Variants in PARVB observed in about 807,000 individuals in gnomAD.
PARVB encodes the protein parvin beta.
PARVB carries 46 observed loss-of-function variants against 47.0 expected under a neutral mutation model. The ratio of observed to expected loss-of-function variants is 0.98; its 90% CI spans 0.77 to 1.25. The LOEUF is 1.25. Among genes scored for constraint, PARVB ranks in the 50% most tolerant of loss-of-function variants. PARVB has a pLI of 0.00. For synonymous variants in PARVB, 196 were observed against 196.3 expected (o/e 1.00, Z 0.01); for missense variants, 473 against 471.6 (o/e 1.00, Z -0.03).
At chr22:44,081,937 C>A (rs560517804) in intron 1 of PARVB, among the ~76,000 whole-genome samples, 1 of 152,124 alleles carries the variant, frequency 6.6e-6, no homozygotes, top group Non-Finnish European at 1.5e-5. Flanking sequence ...TGAAAGCCAG[C>A]GTGATGGGTT....
chr22:44,116,862 G>A (rs1233798987), intron 3 of PARVB, among the ~76,000 whole-genome samples: 2 of 152,208 alleles, frequency 1.3e-5, no homozygotes, highest in African/African-American at 4.8e-5. Context: ...AGGCCCCGTG[G>A]CGCAGATGAG....
chr22:44,155,033 GTGGT>G lies in PARVB; in HGVS notation c.844-2948_844-2945del, dbSNP rs1366536051. 1.1e-5 allele frequency among the ~76,000 whole-genome samples: 1 copy of G among 93,404 alleles called. No homozygotes were observed. The highest frequency in any genetic ancestry group is 5.3e-5 in the African/African-American group (1 of 18,880). The allele number at this position is 93,404 out of a possible 152,430, so 61.3% of individuals were successfully genotyped here. A position where few individuals can be genotyped will look rare whatever the true frequency, so the allele number is the denominator to read the frequency against. On this transcript the variant is annotated intron_variant, in intron 10 of 12. Coordinates refer to ENST00000338758, the MANE Select transcript of PARVB (RefSeq NM_013327.5). This position sits in a 1 kb window ranked among gnomAD's most constrained non-coding sequence, Gnocchi z 4.8. ...TGTGTGTGTGGTTTTTGTAGTCTGT[GTGGT>G]GTGTGTGTGTGTGTGTGTGTGGTTT...
At chr22:44,045,198 G>A in intron 1 of PARVB, among the ~76,000 whole-genome samples, 1 of 152,142 alleles carries the variant, frequency 6.6e-6, no homozygotes, top group East Asian at 1.9e-4. Flanking sequence ...AGGCTGCAGT[G>A]AGTTATGATT....
At chr22:44,005,882 C>T (rs1047928371) in intron 2 of PARVB, among the ~76,000 whole-genome samples, 1 of 152,230 alleles carries the variant, frequency 6.6e-6, no homozygotes, top group African/African-American at 2.4e-5. Flanking sequence ...GAGGAGTGTA[C>T]TTCTGTTTCA....
At chr22:44,056,575 G>A (rs1381475279) in intron 1 of PARVB, among the ~76,000 whole-genome samples, 4 of 152,086 alleles carry the variant, frequency 2.6e-5, no homozygotes, top group Non-Finnish European at 5.9e-5. Context: ...GTGCAATCAC[G>A]GCTCACTATA....
intron 8 of PARVB, chr22:44,144,894 A>AGGAATGCTCAGCTCCT (rs1169095955): frequency 6.6e-6 from 1 of 152,134 alleles, no homozygotes; most frequent in Non-Finnish European, 1.5e-5. Flanking sequence ...GCATTCCTGC[A>AGGAATGCTCAGCTCCT]GATTGAGCTT....
At chr22:44,109,200 G>C (rs1192323640) in intron 3 of PARVB, 1 of 152,338 alleles carries the variant, frequency 6.6e-6, no homozygotes, top group Non-Finnish European at 1.5e-5. Context: ...CCCCCACCGG[G>C]CCGTGTCTCC....
upstream of PARVB, among the ~76,000 whole-genome samples, chr22:44,021,893 C>G (rs1473231121): frequency 6.6e-6 from 1 of 151,934 alleles, no homozygotes; most frequent in Non-Finnish European, 1.5e-5. Flanking sequence ...TGCTGGCAAA[C>G]CCCAGGAGCC....
At chr22:44,032,472 C>T (rs1003909367) in intron 1 of PARVB, among the ~76,000 whole-genome samples, 27 of 152,136 alleles carry the variant, frequency 1.8e-4, no homozygotes, top group African/African-American at 4.1e-4. Flanking sequence ...CCCAGCTCTG[C>T]GTTTCTGAGC....
chr22:44,070,647 G>A (rs1317416911), intron 1 of PARVB, among the ~76,000 whole-genome samples: 4 of 152,158 alleles, frequency 2.6e-5, no homozygotes, highest in African/African-American at 9.7e-5. Flanking sequence ...ATTGAATGCT[G>A]GGCATCTCTT....
Position 44,016,099 on chromosome 22 carries a change from C to CTTTTTT in PARVB, c.211+16436_211+16441dup, listed in dbSNP as rs562590606. On this transcript the variant is annotated intron_variant, in intron 2 of 13. Transcript: ENST00000406477. ...TCTTTTTCTTTTTCTTTCTTTCTTT[C>CTTTTTT]TTTTTTTTTTTTTTTGAGATGGAGT... 2.8e-4 allele frequency among the ~76,000 whole-genome samples: 36 copies of CTTTTTT among 129,162 alleles called. 1 individual carries two copies. The highest frequency in any genetic ancestry group is 7.3e-4 in the South Asian group (3 of 4,104). 84.7% of individuals were successfully genotyped at this position (129,162 alleles called of 152,430 possible). A position where few individuals can be genotyped will look rare whatever the true frequency, so the allele number is the denominator to read the frequency against.
intron 5 of PARVB, among the ~76,000 whole-genome samples, chr22:44,132,373 G>T (rs187878346): frequency 6.6e-6 from 1 of 152,338 alleles, no homozygotes; most frequent in East Asian, 1.9e-4. Flanking sequence ...TGGTGATGTT[G>T]ACCAAACCTG....
intron 2 of PARVB, among the ~76,000 whole-genome samples, chr22:44,017,761 C>A (rs1213518735): frequency 6.6e-6 from 1 of 152,164 alleles, no homozygotes; most frequent in Non-Finnish European, 1.5e-5. Context: ...CCATTCACAT[C>A]CCCCATGAGG....
At chr22:44,037,952 CCCAGCT>C (rs202030987) in intron 1 of PARVB, among the ~76,000 whole-genome samples, 1 of 145,898 alleles carries the variant, frequency 6.9e-6, no homozygotes, top group Non-Finnish European at 1.5e-5. Context: ...CCCAGCCCAG[CCCAGCT>C]CCAGCTCCAG....
intron 3 of PARVB, chr22:44,114,939 A>G (rs1313615972): frequency 8.8e-6 from 1 of 114,168 alleles, no homozygotes; most frequent in Non-Finnish European, 1.7e-5. Flanking sequence ...ATTGTTACTA[A>G]CTAAGGCCCT....
chr22:44,095,115 G>A (rs903425509), intron 2 of PARVB, among the ~76,000 whole-genome samples: 3 of 152,090 alleles, frequency 2.0e-5, no homozygotes, highest in Non-Finnish European at 2.9e-5. Context: ...TATGAAAGGT[G>A]TGCTCACAGA....
intron 1 of PARVB, among the ~76,000 whole-genome samples, chr22:44,054,656 C>G (rs941074604): frequency 2.6e-5 from 4 of 152,154 alleles, no homozygotes; most frequent in African/African-American, 9.7e-5. Flanking sequence ...GGTGGCACAG[C>G]AGTGAATGTC....
chr22:44,043,584 G>C (rs537790944), intron 1 of PARVB, among the ~76,000 whole-genome samples: 3 of 151,986 alleles, frequency 2.0e-5, no homozygotes, highest in Non-Finnish European at 4.4e-5. Context: ...TCACCATGTT[G>C]GCCAGGATGG....
At chr22:44,036,129 C>T (rs1409058229) in intron 1 of PARVB, among the ~76,000 whole-genome samples, 1 of 152,090 alleles carries the variant, frequency 6.6e-6, no homozygotes, top group Non-Finnish European at 1.5e-5. Context: ...TGGTGGTGGG[C>T]ACCTGTAATC....
Sources: allele counts gnomAD v4.1 joint callset (sites outside exome capture counted in the v4.1 genomes callset), GRCh38; gene constraint gnomAD v4.1.1; non-coding constraint Gnocchi (gnomAD v3.1); transcripts MANE v1.5; gene names NCBI Gene and HGNC (gene_info 2026-07-23, HGNC 2026-07-21).